PBX3: variants seen among roughly 807,000 people sequenced by gnomAD.
PBX3 encodes the protein pre-B-cell leukemia transcription factor 3.
A neutral mutation model predicts 48.5 loss-of-function variants in PBX3; 14 were observed. The ratio of observed to expected loss-of-function variants is 0.29; its 90% confidence interval spans 0.19 to 0.45. The LOEUF (loss-of-function observed/expected upper bound fraction) is 0.45. Among genes scored for constraint, PBX3 ranks in the 20% least tolerant of loss-of-function variants. PBX3 has a pLI of 1.00. For synonymous variants in PBX3, 210 were observed against 200.3 expected (o/e 1.05, Z -0.41); for missense variants, 386 against 546.7 (o/e 0.71, Z 2.93).
Position 125,910,783 on chromosome 9 carries a change from ATC to A in PBX3, c.275-4901_275-4900del, listed in dbSNP as rs1483587973. 8.7e-4 allele frequency among the ~76,000 whole-genome samples: 132 copies of A among 150,930 alleles called. 1 individual carries two copies. The highest frequency in any genetic ancestry group is 3.2e-4 in the Non-Finnish European group (22 of 67,732). ...CTAGATCACCTGCCATTTCCTCATA[ATC>A]TTTTAAAAATTGGTTATTTTACAGT... On this transcript the variant is annotated intron_variant, in intron 2 of 8. Coordinates refer to ENST00000373489, the MANE Select transcript of PBX3 (RefSeq NM_006195.6).
intron 5 of PBX3, among the ~76,000 whole-genome samples, chr9:125,946,329 G>A (rs1351086692): frequency 6.6e-6 from 1 of 151,882 alleles, no homozygotes; most frequent in African/African-American, 2.4e-5. Flanking sequence ...CAAAAAACTG[G>A]GCACACAATC....
At chr9:125,928,453 C>CT (rs1277914316) in intron 3 of PBX3, among the ~76,000 whole-genome samples, 1 of 145,598 alleles carries the variant, frequency 6.9e-6, no homozygotes, top group Admixed American at 6.9e-5. Context: ...GAGACAATGT[C>CT]TGAGGATTTT....
rs370378437 is a variant in PBX3, at chr9:125,947,863, A to G, written c.843+12256A>G. ...AGAAAGTTTGTGTTGATCTAATAAT[A>G]TCAGATTAAGAGCACTTCAAGGAAG... On this transcript the variant is annotated intron_variant, in intron 5 of 8. Coordinates refer to ENST00000373489, the MANE Select transcript of PBX3 (RefSeq NM_006195.6). Among the ~76,000 whole-genome samples the G allele has an allele frequency of 8.1e-4, 124 of 152,320 alleles. 5 individuals carry two copies. In the South Asian group the frequency reaches 0.025, roughly 31 times the overall value.
chr9:125,760,908 G>T (rs1324763977), intron 2 of PBX3, among the ~76,000 whole-genome samples: 2 of 152,152 alleles, frequency 1.3e-5, no homozygotes, highest in Non-Finnish European at 2.9e-5. Flanking sequence ...ATGTGCAGCT[G>T]TACCAATATT....
At position 125,935,509 on chromosome 9, in the gene PBX3, A is replaced by G. The variant is rs978086024; in HGVS notation, c.745A>G (p.Ile249Val). ...RRNFSKQATE[I>V]LNEYFYSHLS... ...TAACTTCAGTAAACAGGCCACAGAAATCTTGAATGAATATTTTTACTCACA... is the reference window on the plus strand; with the variant it reads ...TAACTTCAGTAAACAGGCCACAGAAGTCTTGAATGAATATTTTTACTCACA... The change falls in exon 5 of 9, where the codon ATC (isoleucine) becomes GTC (valine). Residue 249 changes from isoleucine (I) to valine (V), a missense_variant. By Grantham distance (29) the Ile-to-Val change is conservative (BLOSUM62 3). Transcript: ENST00000373489. The G allele has an allele frequency of 6.2e-7, 1 of 1,613,724 alleles. No homozygotes were observed. Among genetic ancestry groups the G allele is most frequent in the Non-Finnish European group, 8.5e-7 (1 of 1,179,746 alleles).
intron 2 of PBX3, among the ~76,000 whole-genome samples, chr9:125,868,596 A>G (rs1370709100): frequency 6.6e-6 from 1 of 152,174 alleles, no homozygotes; most frequent in African/African-American, 2.4e-5. Context: ...CTGACCTAGA[A>G]TGTAGGTTTT....
chr9:125,835,767 A>T (rs542796279), intron 2 of PBX3, among the ~76,000 whole-genome samples: 1 of 152,332 alleles, frequency 6.6e-6, no homozygotes, highest in South Asian at 2.1e-4. Context: ...TAGTTAGTGC[A>T]TTCACTATGG....
intron 2 of PBX3, among the ~76,000 whole-genome samples, chr9:125,871,091 A>G (rs1370819180): frequency 6.6e-6 from 1 of 152,176 alleles, no homozygotes; most frequent in Non-Finnish European, 1.5e-5. Context: ...ATTATTGTAA[A>G]CAATGGCTAA....
intron 2 of PBX3, among the ~76,000 whole-genome samples, chr9:125,801,790 T>TAC (rs367989628): frequency 0.041 from 5,965 of 146,264 alleles, 130 homozygotes; most frequent in Middle Eastern, 0.062. Context: ...TGTATACACA[T>TAC]ACACACACAC....
At chr9:125,840,403 G>A (rs1253609747) in intron 2 of PBX3, among the ~76,000 whole-genome samples, 1 of 151,710 alleles carries the variant, frequency 6.6e-6, no homozygotes, top group African/African-American at 2.4e-5. Flanking sequence ...TATGGGCAGT[G>A]TGTCACAAAA....
intron 2 of PBX3, among the ~76,000 whole-genome samples, chr9:125,819,642 A>G (rs1458973557): frequency 6.6e-6 from 1 of 152,214 alleles, no homozygotes; most frequent in Non-Finnish European, 1.5e-5. Flanking sequence ...GGGTTTAGAT[A>G]TAGATATGGG....
At chr9:125,818,834 G>A (rs867632147) in intron 2 of PBX3, among the ~76,000 whole-genome samples, 1 of 151,626 alleles carries the variant, frequency 6.6e-6, no homozygotes, top group Non-Finnish European at 1.5e-5. Context: ...TGATGATGAT[G>A]ATGATTATTA....
chr9:125,831,864 C>T lies in PBX3; in HGVS notation c.274+83241C>T, dbSNP rs149711083. Among the ~76,000 whole-genome samples, 107 of 152,226 alleles carry T rather than the reference C, an allele frequency of 7.0e-4. 2 individuals are homozygous for T. The East Asian group carries it at 0.02, about 29-fold the overall frequency. ...TACTTTCTGGCCCACCAAAACGTGC[C>T]AGGCTCATCTTGTACATTTCCTCCA... On this transcript the variant is annotated intron_variant, in intron 2 of 8. Transcript: ENST00000373489.
intron 2 of PBX3, among the ~76,000 whole-genome samples, chr9:125,895,541 A>T (rs1840750252): frequency 6.6e-6 from 1 of 152,088 alleles, no homozygotes; most frequent in African/African-American, 2.4e-5. Context: ...CGCTACAACG[A>T]ACTTTTGGTT....
At chr9:125,963,442 C>G (rs532003425) in intron 8 of PBX3, among the ~76,000 whole-genome samples, 1 of 152,130 alleles carries the variant, frequency 6.6e-6, no homozygotes, top group African/African-American at 2.4e-5. Flanking sequence ...AATTCCCAAA[C>G]AGAACTCAGG....
intron 2 of PBX3, among the ~76,000 whole-genome samples, chr9:125,866,118 T>C (rs1839974275): frequency 1.3e-5 from 2 of 152,138 alleles, no homozygotes; most frequent in South Asian, 2.1e-4. Flanking sequence ...CTCTTCTAAA[T>C]AGTGCTAAAC....
intron 2 of PBX3, among the ~76,000 whole-genome samples, chr9:125,788,933 T>A (rs1036316080): frequency 1.6e-4 from 24 of 152,164 alleles, no homozygotes; most frequent in Non-Finnish European, 3.2e-4. Flanking sequence ...CCCTTCCTTT[T>A]TCTCTTTCCT....
At chr9:125,821,629 C>T (rs977257776) in intron 2 of PBX3, among the ~76,000 whole-genome samples, 5 of 151,992 alleles carry the variant, frequency 3.3e-5, no homozygotes, top group African/African-American at 4.8e-5. Flanking sequence ...TATTTCTTAC[C>T]GAATTTATTG....
Position 125,899,249 on chromosome 9 carries a change from GTA to G in PBX3, c.275-16429_275-16428del, listed in dbSNP as rs1469007226. 4.7e-4 allele frequency among the ~76,000 whole-genome samples: 54 copies of G among 115,664 alleles called. 1 individual carries two copies. Among genetic ancestry groups the G allele is most frequent in the East Asian group, 3.7e-3 (13 of 3,504 alleles). The allele number at this position is 115,664 out of a possible 152,430, so 75.9% of individuals were successfully genotyped here. Reference sequence around the variant, plus strand: ...TATATTTATATATAAATATACATATGTATATATATTTATATATAAATATACAT... The same window carrying G: ...TATATTTATATATAAATATACATATGTATATATTTATATATAAATATACAT... On this transcript the variant is annotated intron_variant, in intron 2 of 8. Transcript: ENST00000373489.
Sources: gnomAD v4.1 joint callset for allele counts (sites outside exome capture counted in the v4.1 genomes callset) on GRCh38, gnomAD v4.1.1 for gene constraint, MANE v1.5 for transcripts, NCBI Gene and HGNC (gene_info 2026-07-23, HGNC 2026-07-21) for gene names.